The following URB1 variants were observed in gnomAD, a reference collection of about 807,000 sequenced individuals.
URB1 encodes nucleolar pre-ribosomal-associated protein 1.
A neutral mutation model predicts 242.3 loss-of-function variants in URB1; 197 were observed. That is an observed-to-expected ratio of 0.81 (90% CI 0.72 to 0.91). The LOEUF is 0.91. Among genes scored for constraint, URB1 ranks in the 40% least tolerant of loss-of-function variants. The pLI, the probability that URB1 is intolerant of heterozygous loss-of-function variation, is 0.00. For synonymous variants in URB1, 1,153 were observed against 1,201.8 expected, an observed-to-expected ratio of 0.96 and a Z score of 0.84; for missense variants, 2,721 against 2,860.5, an observed-to-expected ratio of 0.95 and a Z score of 1.11.
intron 1 of URB1, among the ~76,000 whole-genome samples, chr21:32,391,519 C>T (rs1241962640): frequency 6.6e-6 from 1 of 152,186 alleles, no homozygotes; most frequent in African/African-American, 2.4e-5. Context: ...ATTTTACTGA[C>T]CAATATCTGC....
chr21:32,337,275 T>C, intron 27 of URB1, 118 bp from the exon 28 acceptor site: 1 of 1,344,618 alleles, frequency 7.4e-7, no homozygotes, highest in Non-Finnish European at 1.0e-6. Context: ...ATCTTCACCC[T>C]GCTTGCACCG....
intron 29 of URB1, among the ~76,000 whole-genome samples, chr21:32,333,790 C>A (rs1052698022): frequency 3.3e-5 from 5 of 152,194 alleles, no homozygotes; most frequent in Admixed American, 6.5e-5. Context: ...GATTCTCAAC[C>A]TGTATGGCAT....
chr21:32,368,390 C>T lies in URB1; in HGVS notation c.1197+13G>A. The stretch of plus-strand genomic sequence containing the variant: ...GCTTAGCTAACAGACTTTTAAATAT[C>T]ATGTTTTTTTACCTTGTTTAGTAGT... On this transcript the variant is annotated intron_variant, in intron 9 of 38. Coordinates refer to ENST00000382751, the MANE Select transcript of URB1 (RefSeq NM_014825.3). 1 of 1,521,044 alleles carries T rather than the reference C, an allele frequency of 6.6e-7. No individual in the cohort carries two copies. 94.2% of individuals were successfully genotyped at this position (1,521,044 alleles called of 1,614,324 possible). A position where few individuals can be genotyped will look rare whatever the true frequency, so the allele number is the denominator to read the frequency against.
At position 32,347,247 on chromosome 21, in the gene URB1, C is replaced by G; in HGVS notation, c.3577G>C (p.Val1193Leu). Residue 1193 changes from valine (V) to leucine (L), a missense_variant, in exon 22 of 39, where the codon GTG (valine) becomes CTG (leucine). Coordinates refer to ENST00000382751, the MANE Select transcript of URB1 (RefSeq NM_014825.3). ...GLGALLPTLAVDELDTVLLHT... is the reference protein window; with the variant it reads ...GLGALLPTLALDELDTVLLHT... ...AGGAGCACTGTGTCCAGCTCGTCCA[C>G]TGCTAGCGTGGGCAGCAGAGCCCCC... is the stretch of plus-strand genomic sequence containing the variant. 6.4e-7 allele frequency: 1 copy of G among 1,550,916 alleles called. No homozygotes were observed. Among genetic ancestry groups the G allele is most frequent in the South Asian group, 1.2e-5 (1 of 84,058 alleles).
rs146138578 is a variant in URB1 at position 32,382,614 on chromosome 21, T to C, written c.567+808A>G. Among the ~76,000 whole-genome samples, 276 of 152,270 alleles carry C rather than the reference T, an allele frequency of 1.8e-3. 1 individual carries two copies. The East Asian group carries it at 0.019, about 10-fold the overall frequency. On this transcript the variant is annotated intron_variant, in intron 4 of 38. Coordinates refer to ENST00000382751, the MANE Select transcript of URB1 (RefSeq NM_014825.3). The stretch of plus-strand genomic sequence containing the variant: ...TGGTTCTCCACCGCAGCAGATGGGA[T>C]GGACTGATACCTGTCCCCTTATTCT...
intron 9 of URB1, among the ~76,000 whole-genome samples, chr21:32,368,086 G>T (rs996582355): frequency 3.9e-5 from 6 of 151,986 alleles, no homozygotes; most frequent in Non-Finnish European, 8.8e-5. Context: ...TTATTTTTTT[G>T]AGATGGAGTC....
In URB1 at chr21:32,361,126, G is replaced by A. The variant is rs182380874; in HGVS notation, c.1640-3C>T. 124 of 1,205,648 alleles carry A rather than the reference G, an allele frequency of 1.0e-4. 2 individuals carry two copies. In the East Asian group the frequency reaches 4.5e-3, roughly 44 times the overall value. The allele number at this position is 1,205,648 out of a possible 1,614,324, so 74.7% of individuals were successfully genotyped here. ...CAAAAGAATGGTTTCTGCATCATCT[G>A]CACAAAAAAAAGAAAAAGAAAGAAA... On this transcript the variant is annotated splice_polypyrimidine_tract_variant and splice_region_variant and intron_variant, in intron 12 of 38. Transcript: ENST00000382751.
intron 30 of URB1, among the ~76,000 whole-genome samples, chr21:32,328,590 A>G (rs1269416830): frequency 6.6e-6 from 1 of 152,240 alleles, no homozygotes; most frequent in Non-Finnish European, 1.5e-5. Flanking sequence ...CATAACAAAT[A>G]TAGGTAAATG....
Position 32,392,964 on chromosome 21 carries a change from G to A in URB1, c.-54C>T. The A allele has an allele frequency of 6.9e-7, 1 of 1,443,904 alleles. No individual in the cohort carries two copies. The highest frequency in any genetic ancestry group is 9.1e-7 in the Non-Finnish European group (1 of 1,099,160). The allele number at this position is 1,443,904 out of a possible 1,614,324, so 89.4% of individuals were successfully genotyped here. A position where few individuals can be genotyped will look rare whatever the true frequency, so the allele number is the denominator to read the frequency against. On this transcript the variant is annotated 5_prime_UTR_variant, in exon 1 of 39. Coordinates refer to ENST00000382751, the MANE Select transcript of URB1 (RefSeq NM_014825.3). ...CGACACACCTGAGGGGACCCGGCAG[G>A]AGCACTGGCACAGACAGCAGACACG...
rs1303785193 is a variant in URB1, at chr21:32,347,226, G to A, written c.3598C>T (p.Leu1200Phe). Residue 1200 changes from leucine (L) to phenylalanine (F), a missense_variant, in exon 22 of 39, where the codon CTC (leucine) becomes TTC (phenylalanine). Physicochemically the swap from Leu to Phe is conservative, Grantham distance 22 (BLOSUM62 0). Transcript: ENST00000382751. Reference protein sequence around the residue: ...TLAVDELDTVLLHTLQRDPVL... With the variant: ...TLAVDELDTVFLHTLQRDPVL... ...GGGTCTCTCTGCAGAGTGTGGAGGA[G>A]CACTGTGTCCAGCTCGTCCACTGCT... The A allele has an allele frequency of 2.8e-5, 44 of 1,550,566 alleles. No homozygotes were observed. Among genetic ancestry groups the A allele is most frequent in the Non-Finnish European group, 3.8e-5 (44 of 1,146,982 alleles).
chr21:32,352,731 C>T lies in URB1; in HGVS notation c.2592G>A (p.Pro864=), dbSNP rs780714749. ...TCACCCAGGCCTCTCGGGCTTGCTC[C>T]GGGATCCAGAGGCTGTAGTATCTGT... ...RFNRYYSLWI[P]EQAREAWLLQ... The change falls in exon 19 of 39, where the codon CCG becomes CCA. Residue 864 remains proline, a synonymous_variant. Transcript: ENST00000382751. 35 of 1,551,370 alleles carry T rather than the reference C, an allele frequency of 2.3e-5. No homozygotes were observed. Among genetic ancestry groups the T allele is most frequent in the South Asian group, 7.1e-5 (6 of 84,040 alleles).
chr21:32,333,282 T>C (rs1386573949), intron 30 of URB1, 35 bp downstream of exon 30: 52 of 1,530,262 alleles, frequency 3.4e-5, no homozygotes, highest in Non-Finnish European at 1.3e-5. Context: ...AAGTCATGCA[T>C]AGCAAGCCCT....
intron 7 of URB1, 92 bp from the exon 8 acceptor site, chr21:32,372,723 A>C: frequency 7.3e-7 from 1 of 1,365,258 alleles, no homozygotes; most frequent in East Asian, 2.6e-5. Flanking sequence ...TTAACTGCCG[A>C]TGACAATTTA....
intron 11 of URB1, among the ~76,000 whole-genome samples, chr21:32,362,837 C>T (rs1345779571): frequency 3.3e-5 from 5 of 152,164 alleles, no homozygotes; most frequent in East Asian, 1.9e-4. Flanking sequence ...ATCTACCCCT[C>T]GACAACATCA....
intron 4 of URB1, among the ~76,000 whole-genome samples, chr21:32,380,959 G>T (rs561290603): frequency 6.6e-6 from 1 of 152,316 alleles, no homozygotes; most frequent in East Asian, 1.9e-4. Context: ...ATTTATAAAT[G>T]AAAAGGGATT....
chr21:32,336,630 C>T (rs368403864), intron 28 of URB1, among the ~76,000 whole-genome samples: 11 of 152,146 alleles, frequency 7.2e-5, no homozygotes, highest in African/African-American at 2.7e-4. Context: ...CAGACATGTA[C>T]ACCCACACCC....
chr21:32,373,081 G>A (rs1032818249), intron 7 of URB1, among the ~76,000 whole-genome samples: 3 of 152,194 alleles, frequency 2.0e-5, no homozygotes, highest in African/African-American at 7.2e-5. Context: ...CTCTGGCCAA[G>A]TCCATGTTCA....
intron 1 of URB1, among the ~76,000 whole-genome samples, chr21:32,387,183 A>G (rs1453694640): frequency 6.6e-6 from 1 of 151,674 alleles, no homozygotes; most frequent in Non-Finnish European, 1.5e-5. Flanking sequence ...CCCCTCCCCT[A>G]CCACTGACAC....
rs1417883510 is a variant in URB1, at chr21:32,384,403, T to C, written c.344A>G (p.His115Arg). 3.2e-6 allele frequency: 5 copies of C among 1,552,078 alleles called. No homozygotes were observed. In the East Asian group the frequency reaches 9.8e-5, roughly 30 times the overall value. The part of the protein sequence containing the change: ...ILLRTASDLS[H>R]FHVVGTNIVK... ...AATGTTGGTTCCCACAACATGGAAA[T>C]GTGAAAGATCACTTGCTGTCCGCAA... The change falls in exon 3 of 39, where the codon CAT (histidine) becomes CGT (arginine). Residue 115 changes from histidine to arginine, a missense_variant. His to Arg is a conservative substitution (Grantham distance 29). Coordinates refer to ENST00000382751, the MANE Select transcript of URB1 (RefSeq NM_014825.3).
Sources: allele counts gnomAD v4.1 joint callset (sites outside exome capture counted in the v4.1 genomes callset), GRCh38; gene constraint gnomAD v4.1.1; transcripts MANE v1.5; gene names NCBI Gene and HGNC (gene_info 2026-07-23, HGNC 2026-07-21).